Variants in TAS2R13 observed in about 807,000 individuals in gnomAD.
TAS2R13 encodes the protein taste 2 receptor member 13, also known as taste receptor type 2 member 13.
For missense variants in TAS2R13, 384 were observed against 347.5 expected (o/e 1.11, Z -0.84); for synonymous variants, 129 against 125.5 (o/e 1.03, Z -0.19).
Position 10,908,753 on chromosome 12 carries a change from A to T in TAS2R13, c.546T>A (p.Thr182=), listed in dbSNP as rs777657052. The change falls in exon 1 of 1, where the codon ACT becomes ACA. Residue 182 remains threonine, a synonymous_variant. Transcript: ENST00000390677. ...FETFSVSVKF[T]MTMFSLTPFT... ...ATGGTGTTAGACTGAACATAGTCAT[A>T]GTGAATTTGACCGACACTGAAAATG... The T allele has an allele frequency of 6.2e-7, 1 of 1,613,992 alleles. No individual in the cohort carries two copies. The highest frequency in any genetic ancestry group is 1.7e-5 in the Admixed American group (1 of 59,986).
chr12:10,909,079 C>CTAGA, the TAS2R13 span: 1 of 1,613,578 alleles, frequency 6.2e-7, no homozygotes, highest in Non-Finnish European at 8.5e-7. Context: ...ACAAATATGG[C>CTAGA]TAGATAATGC....
In TAS2R13 at chr12:10,908,403, A is replaced by G. The variant is rs1438173953; in HGVS notation, c.896T>C (p.Val299Ala). 1 of 1,612,476 alleles carries G rather than the reference A, an allele frequency of 6.2e-7. No homozygotes were observed. The change falls in exon 1 of 1, where the codon GTA becomes GCA. Residue 299 changes from valine to alanine, a missense_variant. Coordinates refer to ENST00000390677, the MANE Select transcript of TAS2R13 (RefSeq NM_023920.2). ...GTGAGTTTCTCATCGTTTAGCCCAT[A>G]CCTTAGCTGCCACCAAAAGAAAGGC... ...RQAFLLVAAK[V>A]WAKR
In TAS2R13 at chr12:10,909,289, C is replaced by A. The variant is rs201819234; in HGVS notation, c.10G>T (p.Ala4Ser). The change falls in exon 1 of 1, where the codon GCC becomes TCC. Residue 4 changes from alanine (A) to serine (S), a missense_variant. Coordinates refer to ENST00000390677, the MANE Select transcript of TAS2R13 (RefSeq NM_023920.2). ...ACAAGAGTGAAGATACTCGGCAGGGCACTTTCCATGTCAGAACAGAGAAAG... is the reference window on the plus strand; with the variant it reads ...ACAAGAGTGAAGATACTCGGCAGGGAACTTTCCATGTCAGAACAGAGAAAG... MES[A>S]LPSIFTLVII... 6.2e-7 allele frequency: 1 copy of A among 1,611,062 alleles called. No homozygotes were observed. Among genetic ancestry groups the A allele is most frequent in the Non-Finnish European group, 8.5e-7 (1 of 1,178,004 alleles).
rs772862867 is a variant in TAS2R13 at position 10,908,643 on chromosome 12, T to C, written c.656A>G (p.His219Arg). ...ATGGACCTTGGTCCTGGGGTCTCTG[T>C]GTCCTTTGTAATTGAGTTGCATTTT... is the stretch of plus-strand genomic sequence containing the variant. ...LQKMQLNYKGHRDPRTKVHTN... is the reference protein window; with the variant it reads ...LQKMQLNYKGRRDPRTKVHTN... The change falls in exon 1 of 1, where the codon CAC becomes CGC. Residue 219 changes from histidine (H) to arginine (R), a missense_variant. Coordinates refer to ENST00000390677, the MANE Select transcript of TAS2R13 (RefSeq NM_023920.2). 2.5e-6 allele frequency: 4 copies of C among 1,613,918 alleles called. No homozygotes were observed. The highest frequency in any genetic ancestry group is 3.4e-6 in the Non-Finnish European group (4 of 1,179,966).
At position 10,908,675 on chromosome 12, in the gene TAS2R13, A is replaced by G; in HGVS notation, c.624T>C (p.His208=). 1 of 1,613,920 alleles carries G rather than the reference A, an allele frequency of 6.2e-7. No homozygotes were observed. Among genetic ancestry groups the G allele is most frequent in the Non-Finnish European group, 8.5e-7 (1 of 1,179,932 alleles). The part of the protein sequence containing the change: ...FLLLIFSLQK[H]LQKMQLNYKG... ...TGTAATTGAGTTGCATTTTCTGGAG[A>G]TGTTTCTGCAGGGAGAAAATTAACA... is the stretch of plus-strand genomic sequence containing the variant. The change falls in exon 1 of 1, where the codon CAT becomes CAC. Residue 208 remains histidine, a synonymous_variant. Coordinates refer to ENST00000390677, the MANE Select transcript of TAS2R13 (RefSeq NM_023920.2).
chr12:10,908,544 CATGAT>C, the TAS2R13 span: 1 of 1,613,908 alleles, frequency 6.2e-7, no homozygotes, highest in Non-Finnish European at 8.5e-7. Flanking sequence ...CTCAGAAATC[CATGAT>C]ATGAGAACAC....
chr12:10,909,113 T>C lies in TAS2R13; in HGVS notation c.186A>G (p.Ile62Met), dbSNP rs576483566. The C allele has an allele frequency of 8.7e-6, 14 of 1,613,782 alleles. No homozygotes were observed. The Admixed American group carries it at 2.0e-4, about 23-fold the overall frequency. ...AISRIGLIWEILVSWFLALHY... is the reference protein window; with the variant it reads ...AISRIGLIWEMLVSWFLALHY... Reference sequence around the variant, plus strand: ...GCAGAGCTAAAAACCAACTTACTAATATTTCCCAGATCAGCCCAATTCTGG... The same window carrying C: ...GCAGAGCTAAAAACCAACTTACTAACATTTCCCAGATCAGCCCAATTCTGG... Residue 62 changes from isoleucine (I) to methionine (M), a missense_variant, in exon 1 of 1, where the codon ATA (isoleucine) becomes ATG (methionine). Coordinates refer to ENST00000390677, the MANE Select transcript of TAS2R13 (RefSeq NM_023920.2).
rs1949834754 is a variant in TAS2R13 at position 10,908,243 on chromosome 12, G to T, written c.*144C>A. On this transcript the variant is annotated 3_prime_UTR_variant, in exon 1 of 1. Transcript: ENST00000390677. ...TTAGGTAAGATGCTATTATAGAGAA[G>T]AATTTAAAACATTTACAGTGACCTT... is the stretch of plus-strand genomic sequence containing the variant. 1 of 650,652 alleles carries T rather than the reference G, an allele frequency of 1.5e-6. No individual in the cohort carries two copies. The highest frequency in any genetic ancestry group is 2.5e-6 in the Non-Finnish European group (1 of 396,910). 40.3% of individuals were successfully genotyped at this position (650,652 alleles called of 1,614,324 possible). A position where few individuals can be genotyped will look rare whatever the true frequency, so the allele number is the denominator to read the frequency against.
At position 10,908,754 on chromosome 12, in the gene TAS2R13, G is replaced by A. The variant is rs746721818; in HGVS notation, c.545C>T (p.Thr182Ile). The change falls in exon 1 of 1, where the codon ACT becomes ATT. Residue 182 changes from threonine to isoleucine, a missense_variant. Transcript: ENST00000390677. ...FETFSVSVKF[T>I]MTMFSLTPFT... Reference sequence around the variant, plus strand: ...TGGTGTTAGACTGAACATAGTCATAGTGAATTTGACCGACACTGAAAATGT... The same window carrying A: ...TGGTGTTAGACTGAACATAGTCATAATGAATTTGACCGACACTGAAAATGT... 8 of 1,613,826 alleles carry A rather than the reference G, an allele frequency of 5.0e-6. No homozygotes were observed. Among genetic ancestry groups the A allele is most frequent in the South Asian group, 2.2e-5 (2 of 91,078 alleles).
rs1288980557 is a variant in TAS2R13, at chr12:10,909,436, C to T, written c.-138G>A. 38 of 628,700 alleles carry T rather than the reference C, an allele frequency of 6.0e-5. No homozygotes were observed. Among genetic ancestry groups the T allele is most frequent in the South Asian group, 5.7e-4 (26 of 45,652 alleles). The allele number at this position is 628,700 out of a possible 1,614,324, so 38.9% of individuals were successfully genotyped here. A position where few individuals can be genotyped will look rare whatever the true frequency, so the allele number is the denominator to read the frequency against. On this transcript the variant is annotated 5_prime_UTR_variant, in exon 1 of 1. Coordinates refer to ENST00000390677, the MANE Select transcript of TAS2R13 (RefSeq NM_023920.2). Reference sequence around the variant, plus strand: ...GCTCCTTCTTTCATTGTTGGCTCAACGTCAAAGCAGAAATCTCTAAAGTTT... The same window carrying T: ...GCTCCTTCTTTCATTGTTGGCTCAATGTCAAAGCAGAAATCTCTAAAGTTT...
chr12:10,909,387 GTTC>G lies in TAS2R13; in HGVS notation c.-92_-90del, dbSNP rs1396846634. On this transcript the variant is annotated 5_prime_UTR_variant, in exon 1 of 1. Transcript: ENST00000390677. ...TTCACATCCTTGAGTGTCCAGTGGA[GTTC>G]TTCTTCCTTCTCCTTTTTCTGCTCC... 1.4e-5 allele frequency: 12 copies of G among 877,604 alleles called. No homozygotes were observed. Among genetic ancestry groups the G allele is most frequent in the African/African-American group, 6.8e-5 (4 of 58,954 alleles). 54.4% of individuals were successfully genotyped at this position (877,604 alleles called of 1,614,324 possible). A position where few individuals can be genotyped will look rare whatever the true frequency, so the allele number is the denominator to read the frequency against.
In TAS2R13 at chr12:10,908,682, T is replaced by C. The variant is rs1477437530; in HGVS notation, c.617A>G (p.Gln206Arg). ...ISFLLLIFSLQKHLQKMQLNY... is the reference protein window; with the variant it reads ...ISFLLLIFSLRKHLQKMQLNY... Reference sequence around the variant, plus strand: ...GAGTTGCATTTTCTGGAGATGTTTCTGCAGGGAGAAAATTAACAGGAGAAA... The same window carrying C: ...GAGTTGCATTTTCTGGAGATGTTTCCGCAGGGAGAAAATTAACAGGAGAAA... Residue 206 changes from glutamine (Q) to arginine (R), a missense_variant, in exon 1 of 1, where the codon CAG becomes CGG. Gln to Arg is a conservative substitution (Grantham distance 43). Transcript: ENST00000390677. 2 of 1,613,918 alleles carry C rather than the reference T, an allele frequency of 1.2e-6. No individual in the cohort carries two copies. The highest frequency in any genetic ancestry group is 1.7e-6 in the Non-Finnish European group (2 of 1,179,934).
In TAS2R13 at chr12:10,908,202, T is replaced by C. The variant is rs767706060; in HGVS notation, c.*185A>G. 69 of 509,962 alleles carry C rather than the reference T, an allele frequency of 1.4e-4. No homozygotes were observed. Among genetic ancestry groups the C allele is most frequent in the Non-Finnish European group, 2.1e-4 (63 of 298,328 alleles). 31.6% of individuals were successfully genotyped at this position (509,962 alleles called of 1,614,324 possible). On this transcript the variant is annotated 3_prime_UTR_variant, in exon 1 of 1. Transcript: ENST00000390677. ...CCTAATAATGTAGAAATACATGTCA[T>C]AAATACATAATATTCTTAGGTAAGA...
chr12:10,908,787 T>C lies in TAS2R13; in HGVS notation c.512A>G (p.Asp171Gly), dbSNP rs1485709441. Reference protein sequence around the residue: ...RNTTWNFSMSDFETFSVSVKF... With the variant: ...RNTTWNFSMSGFETFSVSVKF... ...GACCGACACTGAAAATGTTTCAAAG[T>C]CACTCATACTGAAATTCCAAGTTGT... The change falls in exon 1 of 1, where the codon GAC becomes GGC. Residue 171 changes from aspartate (D) to glycine (G), a missense_variant. Physicochemically the swap from Asp to Gly is moderately conservative, Grantham distance 94. Coordinates refer to ENST00000390677, the MANE Select transcript of TAS2R13 (RefSeq NM_023920.2). 4.3e-6 allele frequency: 7 copies of C among 1,614,002 alleles called. No homozygotes were observed. In the Admixed American group the frequency reaches 1.2e-4, roughly 27 times the overall value.
chr12:10,908,700 A>G lies in TAS2R13; in HGVS notation c.599T>C (p.Leu200Pro), dbSNP rs1335290961. 1 of 1,613,848 alleles carries G rather than the reference A, an allele frequency of 6.2e-7. No individual in the cohort carries two copies. Among genetic ancestry groups the G allele is most frequent in the Non-Finnish European group, 8.5e-7 (1 of 1,179,904 alleles). ...PFTVAFISFL[L>P]LIFSLQKHLQ... ...ATGTTTCTGCAGGGAGAAAATTAAC[A>G]GGAGAAAAGAGATGAAGGCCACAGT... Residue 200 changes from leucine to proline, a missense_variant, in exon 1 of 1, where the codon CTG (leucine) becomes CCG (proline). Coordinates refer to ENST00000390677, the MANE Select transcript of TAS2R13 (RefSeq NM_023920.2).
chr12:10,908,310 A>G lies in TAS2R13; in HGVS notation c.*77T>C. Reference sequence around the variant, plus strand: ...AGGGGAAGCATAAAATATCTTTTAAACTCCTTGTAGACTCCTGTTTCTGTC... The same window carrying G: ...AGGGGAAGCATAAAATATCTTTTAAGCTCCTTGTAGACTCCTGTTTCTGTC... On this transcript the variant is annotated 3_prime_UTR_variant, in exon 1 of 1. Coordinates refer to ENST00000390677, the MANE Select transcript of TAS2R13 (RefSeq NM_023920.2). 1 of 1,372,466 alleles carries G rather than the reference A, an allele frequency of 7.3e-7. No individual in the cohort carries two copies. Among genetic ancestry groups the G allele is most frequent in the Non-Finnish European group, 9.9e-7 (1 of 1,007,288 alleles). 85.0% of individuals were successfully genotyped at this position (1,372,466 alleles called of 1,614,324 possible).
chr12:10,909,376 T>C lies in TAS2R13; in HGVS notation c.-78A>G, dbSNP rs953407295. On this transcript the variant is annotated 5_prime_UTR_variant, in exon 1 of 1. Coordinates refer to ENST00000390677, the MANE Select transcript of TAS2R13 (RefSeq NM_023920.2). Reference sequence around the variant, plus strand: ...CTAAAATGCTATTCACATCCTTGAGTGTCCAGTGGAGTTCTTCTTCCTTCT... The same window carrying C: ...CTAAAATGCTATTCACATCCTTGAGCGTCCAGTGGAGTTCTTCTTCCTTCT... 3 of 995,826 alleles carry C rather than the reference T, an allele frequency of 3.0e-6. No individual in the cohort carries two copies. Among genetic ancestry groups the C allele is most frequent in the Non-Finnish European group, 4.5e-6 (3 of 666,478 alleles). The allele number at this position is 995,826 out of a possible 1,614,324, so 61.7% of individuals were successfully genotyped here.
rs1167255668 is a variant in TAS2R13 at position 10,909,127 on chromosome 12, G to A, written c.172C>T (p.Leu58=). The A allele has an allele frequency of 1.9e-6, 3 of 1,613,794 alleles. No homozygotes were observed. The highest frequency in any genetic ancestry group is 2.5e-6 in the Non-Finnish European group (3 of 1,179,980). Residue 58 remains leucine, a synonymous_variant, in exon 1 of 1, where the codon CTG becomes TTG. Transcript: ENST00000390677. ...CAACTTACTAATATTTCCCAGATCA[G>A]CCCAATTCTGGAGATTGCCAAGATA... ...LIILAISRIG[L]IWEILVSWFL...
chr12:10,909,412 C>A lies in TAS2R13; in HGVS notation c.-114G>T, dbSNP rs923993190. Reference sequence around the variant, plus strand: ...GTTCTTCTTCCTTCTCCTTTTTCTGCTCCTTCTTTCATTGTTGGCTCAACG... The same window carrying A: ...GTTCTTCTTCCTTCTCCTTTTTCTGATCCTTCTTTCATTGTTGGCTCAACG... On this transcript the variant is annotated 5_prime_UTR_variant, in exon 1 of 1. Transcript: ENST00000390677. 3 of 707,632 alleles carry A rather than the reference C, an allele frequency of 4.2e-6. No individual in the cohort carries two copies. The highest frequency in any genetic ancestry group is 1.8e-5 in the African/African-American group (1 of 55,466). The allele number at this position is 707,632 out of a possible 1,614,324, so 43.8% of individuals were successfully genotyped here. A position where few individuals can be genotyped will look rare whatever the true frequency, so the allele number is the denominator to read the frequency against.
Sources: gnomAD v4.1 joint callset for allele counts on GRCh38, gnomAD v4.1.1 for gene constraint, MANE v1.5 for transcripts, NCBI Gene and HGNC (gene_info 2026-07-23, HGNC 2026-07-21) for gene names.